Variants in DSE observed in about 807,000 individuals in gnomAD.
DSE encodes dermatan-sulfate epimerase.
DSE carries 36 observed loss-of-function variants against 84.4 expected under a neutral mutation model. That is an observed-to-expected ratio of 0.43 (90% CI 0.33 to 0.56). The LOEUF is 0.56. DSE is among the 20% of genes least tolerant of loss of function. DSE has a pLI of 0.06. For missense variants in DSE, 862 were observed against 1,169.6 expected (o/e 0.74, Z 3.84); for synonymous variants, 410 against 430.1 (o/e 0.95, Z 0.58).
At chr6:116,276,512 A>G (rs902779369) in intron 2 of DSE, 2 of 152,208 alleles carry the variant, frequency 1.3e-5, no homozygotes, top group Non-Finnish European at 2.9e-5. Flanking sequence ...GATAATGTCT[A>G]TTGTGTCCAT....
intron 2 of DSE, among the ~76,000 whole-genome samples, chr6:116,347,326 A>C (rs897345108): frequency 3.3e-5 from 5 of 151,566 alleles, no homozygotes; most frequent in Admixed American, 1.3e-4. Flanking sequence ...AATCCTAAGC[A>C]AAAAGAACAA....
intron 2 of DSE, among the ~76,000 whole-genome samples, chr6:116,264,348 G>T (rs1772531453): frequency 6.6e-6 from 1 of 151,852 alleles, no homozygotes; most frequent in African/African-American, 2.4e-5. Flanking sequence ...CTCTGAGAGT[G>T]TTTCCTCTGC....
At chr6:116,376,716 G>A (rs527335650) in intron 1 of DSE, among the ~76,000 whole-genome samples, 20 of 152,310 alleles carry the variant, frequency 1.3e-4, no homozygotes, top group Non-Finnish European at 2.4e-4. Context: ...GTAATATGTA[G>A]AAGCTATGAA....
intron 1 of DSE, among the ~76,000 whole-genome samples, chr6:116,397,124 G>A (rs1423526073): frequency 6.6e-6 from 1 of 151,668 alleles, no homozygotes; most frequent in Non-Finnish European, 1.5e-5. Flanking sequence ...GCATTGATGA[G>A]AGCATTCAGA....
chr6:116,254,908 T>C (rs892837272), intron 1 of DSE: 2 of 152,378 alleles, frequency 1.3e-5, no homozygotes, highest in African/African-American at 4.8e-5. Context: ...ACAAATCTTT[T>C]CAAAATGTGT....
chr6:116,375,535 G>A (rs1779871188), intron 1 of DSE: 2 of 985,186 alleles, frequency 2.0e-6, no homozygotes, highest in East Asian at 1.1e-4. Context: ...GTAAATAAAT[G>A]TATCCCAAAT....
rs1014437839 is a variant in DSE at position 116,442,340 on chromosome 6, A to G, written c.*4995A>G. On this transcript the variant is annotated 3_prime_UTR_variant, in exon 6 of 6. Transcript: ENST00000644252. ...AATGAACTGAGATGTGGCTGACTGC[A>G]GGAGGAATAAGTAGTAGGAAGCGGG... 2.0e-5 allele frequency: 3 copies of G among 152,274 alleles called. No homozygotes were observed. The highest frequency in any genetic ancestry group is 7.2e-5 in the African/African-American group (3 of 41,438). The allele number at this position is 152,274 out of a possible 1,614,324, so 9.4% of individuals were successfully genotyped here.
At chr6:116,356,726 C>G (rs142213852) in intron 2 of DSE, among the ~76,000 whole-genome samples, 248 of 152,208 alleles carry the variant, frequency 1.6e-3, no homozygotes, top group Middle Eastern at 3.4e-3. Context: ...AGGGTATTCC[C>G]GAATCCCACA....
intron 4 of DSE, 46 bp from the exon 5 acceptor site, chr6:116,433,297 G>T: frequency 6.5e-7 from 1 of 1,531,020 alleles, no homozygotes; most frequent in Non-Finnish European, 8.8e-7. Context: ...ATATAGGAGT[G>T]TGAAGTTTTC....
At chr6:116,278,754 C>G (rs750767335) in intron 2 of DSE, 2 of 1,614,126 alleles carry the variant, frequency 1.2e-6, no homozygotes, top group Non-Finnish European at 1.7e-6. Flanking sequence ...GTTCATGCCC[C>G]CTGCGCCATA....
In DSE at chr6:116,444,529, C is replaced by T. The variant is rs1784522090; in HGVS notation, c.*7184C>T. The T allele has an allele frequency of 6.6e-6, 1 of 152,176 alleles. No homozygotes were observed. Among genetic ancestry groups the T allele is most frequent in the Non-Finnish European group, 1.5e-5 (1 of 68,046 alleles). 9.4% of individuals were successfully genotyped at this position (152,176 alleles called of 1,614,324 possible). A position where few individuals can be genotyped will look rare whatever the true frequency, so the allele number is the denominator to read the frequency against. On this transcript the variant is annotated 3_prime_UTR_variant, in exon 6 of 6. Coordinates refer to ENST00000644252, the MANE Select transcript of DSE (RefSeq NM_013352.4). The stretch of plus-strand genomic sequence containing the variant: ...ACAGAAGACTGTGGTCCCAGAAGAC[C>T]TTAACATTGAGCTTGCTGCAGACTG...
intron 1 of DSE, among the ~76,000 whole-genome samples, chr6:116,395,361 C>T (rs1280623396): frequency 6.6e-6 from 1 of 151,424 alleles, no homozygotes; most frequent in Non-Finnish European, 1.5e-5. Flanking sequence ...GGAGGCAGAG[C>T]TTGCAGTGAG....
At chr6:116,285,310 A>G (rs1442848015) in intron 2 of DSE, among the ~76,000 whole-genome samples, 1 of 152,200 alleles carries the variant, frequency 6.6e-6, no homozygotes, top group African/African-American at 2.4e-5. Flanking sequence ...AGGCTGTATA[A>G]ATGTCTTCTT....
intron 2 of DSE, among the ~76,000 whole-genome samples, chr6:116,299,514 AT>A (rs1774876535): frequency 6.1e-5 from 1 of 16,338 alleles, no homozygotes; most frequent in East Asian, 0.02. Context: ...TTATATATAT[AT>A]ATATATATAT....
At chr6:116,405,539 T>C (rs1408545088) in intron 2 of DSE, among the ~76,000 whole-genome samples, 1 of 152,210 alleles carries the variant, frequency 6.6e-6, no homozygotes, top group African/African-American at 2.4e-5. Flanking sequence ...GCCTCTCTTT[T>C]TCTCTGTTCT....
intron 2 of DSE, among the ~76,000 whole-genome samples, chr6:116,414,110 G>A (rs1782551449): frequency 6.6e-6 from 1 of 152,186 alleles, no homozygotes; most frequent in South Asian, 2.1e-4. Context: ...TAGGGCTGCT[G>A]TAACAAAATA....
chr6:116,337,256 A>G (rs2114807246), intron 2 of DSE, among the ~76,000 whole-genome samples: 1 of 152,298 alleles, frequency 6.6e-6, no homozygotes, highest in East Asian at 1.9e-4. Context: ...TATATAAGAA[A>G]AGTTGCTTTG....
At chr6:116,272,296 A>G (rs1459265697) in intron 2 of DSE, among the ~76,000 whole-genome samples, 1 of 152,254 alleles carries the variant, frequency 6.6e-6, no homozygotes, top group East Asian at 1.9e-4. Context: ...ATTATACTTT[A>G]TTAAAGAAAA....
chr6:116,280,107 T>C, intron 2 of DSE: 1 of 528,574 alleles, frequency 1.9e-6, no homozygotes, highest in South Asian at 2.0e-5. Context: ...TCGATTGTGC[T>C]GAGTCTGGAA....
Sources: gnomAD v4.1 joint callset for allele counts (sites outside exome capture counted in the v4.1 genomes callset) on GRCh38, gnomAD v4.1.1 for gene constraint, MANE v1.5 for transcripts, NCBI Gene and HGNC (gene_info 2026-07-23, HGNC 2026-07-21) for gene names.